INPP4B: variants seen among roughly 807,000 people sequenced by gnomAD.
INPP4B encodes inositol polyphosphate 4-phosphatase type II.
Under a neutral mutation model 122.5 loss-of-function variants are expected in INPP4B, and 55 were observed. The observed-to-expected ratio is 0.45, with a 90% confidence interval of 0.36 to 0.56. The LOEUF (loss-of-function observed/expected upper bound fraction) is 0.56, where lower values mean the gene tolerates loss of function less well. Ranked by LOEUF, INPP4B falls within the 20% of genes least tolerant of loss-of-function variation. The pLI, the probability that INPP4B is intolerant of heterozygous loss-of-function variation, is 0.00. For missense variants in INPP4B, 1,000 were observed against 1,097.7 expected (o/e 0.91, Z 1.26); for synonymous variants, 403 against 388.7 (o/e 1.04, Z -0.43).
intron 11 of INPP4B, among the ~76,000 whole-genome samples, chr4:142,243,789 T>C (rs77059454): frequency 0.029 from 4,459 of 152,170 alleles, 200 homozygotes; most frequent in African/African-American, 0.1. Flanking sequence ...AATCATGCAT[T>C]GTTTGGATGG....
At chr4:142,585,578 C>T (rs1236978866) in intron 2 of INPP4B, among the ~76,000 whole-genome samples, 1 of 152,102 alleles carries the variant, frequency 6.6e-6, no homozygotes, top group East Asian at 1.9e-4. Flanking sequence ...GTAGTCATAT[C>T]CACTGTCATA....
chr4:142,673,770 G>A (rs1037642238), intron 2 of INPP4B, among the ~76,000 whole-genome samples: 3 of 152,120 alleles, frequency 2.0e-5, no homozygotes, highest in Non-Finnish European at 4.4e-5. Context: ...ACTGAAGTTC[G>A]TCAGACTAAT....
intron 2 of INPP4B, among the ~76,000 whole-genome samples, chr4:142,545,765 G>GTGTGTATATATATACACATATATATA (rs1829535426): frequency 1.4e-4 from 17 of 125,080 alleles, no homozygotes; most frequent in African/African-American, 4.2e-4. Context: ...ACATGTATAT[G>GTGTGTATATATATACACATATATATA]TGTGTATATA....
chr4:142,105,614 C>G (rs1786643952), intron 23 of INPP4B, among the ~76,000 whole-genome samples: 1 of 152,090 alleles, frequency 6.6e-6, no homozygotes, highest in Admixed American at 6.6e-5. Context: ...TCAGGGATAT[C>G]CCTTAAAGTT....
intron 11 of INPP4B, among the ~76,000 whole-genome samples, chr4:142,255,880 C>A (rs1409282562): frequency 6.7e-6 from 1 of 149,770 alleles, no homozygotes; most frequent in South Asian, 2.2e-4. Context: ...GAACTCTCCA[C>A]CCCAAATCAA....
At chr4:142,594,685 G>A (rs1738278877) in intron 2 of INPP4B, among the ~76,000 whole-genome samples, 2 of 152,094 alleles carry the variant, frequency 1.3e-5, no homozygotes, top group Non-Finnish European at 2.9e-5. Flanking sequence ...GCCGGGCATG[G>A]TGGCTCACAC....
At chr4:142,720,759 T>TATATATATATACATATATA (rs1764464192) in intron 2 of INPP4B, among the ~76,000 whole-genome samples, 3 of 50,858 alleles carry the variant, frequency 5.9e-5, no homozygotes, top group East Asian at 1.4e-3. Context: ...CATATATATA[T>TATATATATATACATATATA]AATCTCTCTC....
chr4:142,451,277 G>T (rs1421365922), intron 3 of INPP4B, among the ~76,000 whole-genome samples: 9 of 130,826 alleles, frequency 6.9e-5, no homozygotes, highest in African/African-American at 2.7e-4. Flanking sequence ...TTGAGATGGA[G>T]TCTCACTCTG....
At chr4:142,499,877 T>C (rs962020441) in intron 2 of INPP4B, among the ~76,000 whole-genome samples, 1 of 152,182 alleles carries the variant, frequency 6.6e-6, no homozygotes, top group African/African-American at 2.4e-5. Context: ...TCTTTGTTCC[T>C]AACCCACCTT....
chr4:142,150,269 G>T (rs12500835), intron 17 of INPP4B, among the ~76,000 whole-genome samples: 3 of 152,004 alleles, frequency 2.0e-5, no homozygotes, highest in Non-Finnish European at 2.9e-5. Context: ...GGAAGACAAC[G>T]GTAGCATAAG....
chr4:142,589,068 T>C (rs1354412805), intron 2 of INPP4B, among the ~76,000 whole-genome samples: 2 of 152,006 alleles, frequency 1.3e-5, no homozygotes, highest in African/African-American at 4.8e-5. Context: ...TTGATTTTTT[T>C]CCAAAGAAAC....
intron 7 of INPP4B, among the ~76,000 whole-genome samples, chr4:142,371,887 A>T (rs1790058670): frequency 6.6e-6 from 1 of 151,904 alleles, no homozygotes; most frequent in Non-Finnish European, 1.5e-5. Context: ...CTCAAAAAAA[A>T]AAAAACTAAA....
intron 1 of INPP4B, among the ~76,000 whole-genome samples, chr4:142,733,781 AT>A (rs2150889929): frequency 6.6e-6 from 1 of 152,352 alleles, no homozygotes; most frequent in East Asian, 1.9e-4. Flanking sequence ...GTTGCTGAAT[AT>A]TATGTACAAC....
At chr4:142,310,399 C>T (rs1765063617) in intron 8 of INPP4B, among the ~76,000 whole-genome samples, 2 of 151,996 alleles carry the variant, frequency 1.3e-5, no homozygotes, top group African/African-American at 4.8e-5. Flanking sequence ...ATTAATTCAG[C>T]CTGTTTCTTT....
At chr4:142,330,511 A>G (rs1774047024) in intron 7 of INPP4B, among the ~76,000 whole-genome samples, 1 of 152,202 alleles carries the variant, frequency 6.6e-6, no homozygotes, top group African/African-American at 2.4e-5. Flanking sequence ...CCAGGGATGC[A>G]TACACACACG....
chr4:142,786,810 C>T (rs367847519), intron 1 of INPP4B, among the ~76,000 whole-genome samples: 2 of 151,988 alleles, frequency 1.3e-5, no homozygotes, highest in South Asian at 4.2e-4. Flanking sequence ...GAGAGACATA[C>T]TATAAAATAC....
intron 2 of INPP4B, among the ~76,000 whole-genome samples, chr4:142,611,957 C>T (rs1742635940): frequency 6.6e-6 from 1 of 152,206 alleles, no homozygotes; most frequent in Non-Finnish European, 1.5e-5. Flanking sequence ...GCGTGAGCCA[C>T]TGCATCTGGC....
At chr4:142,746,266 T>C (rs1768732006) in intron 1 of INPP4B, among the ~76,000 whole-genome samples, 1 of 152,036 alleles carries the variant, frequency 6.6e-6, no homozygotes, top group Non-Finnish European at 1.5e-5. Context: ...TGAACTCCCA[T>C]TCACAATTGC....
intron 5 of INPP4B, among the ~76,000 whole-genome samples, chr4:142,420,735 G>C (rs1806697368): frequency 6.6e-6 from 1 of 152,058 alleles, no homozygotes; most frequent in Admixed American, 6.6e-5. Flanking sequence ...ACTTGTCTGT[G>C]AAACATAGGT....
Sources: allele counts gnomAD v4.1 joint callset (sites outside exome capture counted in the v4.1 genomes callset), GRCh38; gene constraint gnomAD v4.1.1; transcripts MANE v1.5; gene names NCBI Gene and HGNC (gene_info 2026-07-23, HGNC 2026-07-21).